Variants in TMPRSS11D observed in about 807,000 individuals in gnomAD.
The protein encoded by TMPRSS11D is transmembrane protease serine 11D.
A neutral mutation model predicts 44.4 loss-of-function variants in TMPRSS11D; 32 were observed. That is an observed-to-expected ratio of 0.72 (90% CI 0.54 to 0.97). The LOEUF (loss-of-function observed/expected upper bound fraction) is 0.97. TMPRSS11D is among the 50% of genes least tolerant of loss of function. The pLI, the probability that TMPRSS11D is intolerant of heterozygous loss-of-function variation, is 0.00. For missense variants in TMPRSS11D, 446 were observed against 502.6 expected, an observed-to-expected ratio of 0.89 and a Z score of 1.08; for synonymous variants, 179 against 177.9, an observed-to-expected ratio of 1.01 and a Z score of -0.05.
At chr4:67,850,368 G>A (rs908374634) in intron 3 of TMPRSS11D, among the ~76,000 whole-genome samples, 4 of 152,052 alleles carry the variant, frequency 2.6e-5, no homozygotes, top group Non-Finnish European at 5.9e-5. Context: ...AATTTTTGTC[G>A]TGCATATGCC....
At chr4:67,830,235 C>T (rs772243243) in intron 7 of TMPRSS11D, among the ~76,000 whole-genome samples, 10 of 151,936 alleles carry the variant, frequency 6.6e-5, no homozygotes, top group South Asian at 2.1e-4. Context: ...TAGGTGCGTG[C>T]ATGTACCTTT....
At chr4:67,859,786 GGCTCTAGCCATAGAAA>G in intron 1 of TMPRSS11D, 108 bp from the exon 2 acceptor site, 1 of 1,410,612 alleles carries the variant, frequency 7.1e-7, no homozygotes. Context: ...TCTGGGACAT[GGCTCTAGCCATAGAAA>G]CATATTCGTA....
Position 67,859,642 on chromosome 4 carries a change from A to T in TMPRSS11D, c.45T>A (p.Asn15Lys). The T allele has an allele frequency of 6.2e-7, 1 of 1,613,154 alleles. No homozygotes were observed. ...ARVTSTSRFL[N>K]PYVVCFIVVA... The stretch of plus-strand genomic sequence containing the variant: ...CGACAATGAAACATACTACATATGG[A>T]TTCAGAAATCTTGAAGTCGAAGTTA... Residue 15 changes from asparagine (N) to lysine (K), a missense_variant, in exon 2 of 10, where the codon AAT (asparagine) becomes AAA (lysine). Transcript: ENST00000283916.
At chr4:67,868,777 G>T (rs1048019755) in intron 1 of TMPRSS11D, among the ~76,000 whole-genome samples, 3 of 152,194 alleles carry the variant, frequency 2.0e-5, no homozygotes, top group African/African-American at 4.8e-5. Flanking sequence ...TTTTAGAAAG[G>T]TTAATCTGGT....
intron 1 of TMPRSS11D, 65 bp downstream of exon 1, chr4:67,883,861 T>G: frequency 7.2e-7 from 1 of 1,388,180 alleles, no homozygotes; most frequent in South Asian, 1.3e-5. Context: ...AGCTTCTTTA[T>G]ATTTTTCCCA....
chr4:67,846,223 G>A (rs1718353829), intron 3 of TMPRSS11D, among the ~76,000 whole-genome samples: 5 of 151,962 alleles, frequency 3.3e-5, no homozygotes, highest in Admixed American at 2.0e-4. Flanking sequence ...TCCTATGGGT[G>A]AAACATTTTA....
intron 3 of TMPRSS11D, among the ~76,000 whole-genome samples, chr4:67,847,568 G>A (rs1718388127): frequency 6.6e-6 from 1 of 152,164 alleles, no homozygotes; most frequent in African/African-American, 2.4e-5. Flanking sequence ...AGGTAAAGGT[G>A]TGCTGAAGCC....
Position 67,825,840 on chromosome 4 carries a change from G to T in TMPRSS11D, c.987C>A (p.Val329=). ...HTVPELRQGQ[V]RIISNDVCNA... is the part of the protein sequence containing the mutation. The stretch of plus-strand genomic sequence containing the variant: ...TACATACATCATTACTTATTATTCT[G>T]ACCTGTCCTTGCCTTAGCTCTGGAA... Residue 329 remains valine, a synonymous_variant, in exon 9 of 10, where the codon GTC becomes GTA. Transcript: ENST00000283916. 1 of 1,612,774 alleles carries T rather than the reference G, an allele frequency of 6.2e-7. No individual in the cohort carries two copies. Among genetic ancestry groups the T allele is most frequent in the South Asian group, 1.1e-5 (1 of 90,974 alleles).
intron 1 of TMPRSS11D, among the ~76,000 whole-genome samples, chr4:67,868,191 A>G (rs2109697142): frequency 6.6e-6 from 1 of 152,196 alleles, no homozygotes; most frequent in Admixed American, 6.5e-5. Context: ...ATCTTAGGTG[A>G]AACAACTCAG....
chr4:67,826,881 C>T (rs901045346), intron 8 of TMPRSS11D, among the ~76,000 whole-genome samples: 9 of 152,000 alleles, frequency 5.9e-5, no homozygotes, highest in Non-Finnish European at 1.5e-5. Context: ...GCCATGATTG[C>T]ACCACTGCAC....
intron 7 of TMPRSS11D, 77 bp downstream of exon 7, chr4:67,833,127 T>C (rs1717987054): frequency 1.6e-6 from 2 of 1,249,750 alleles, no homozygotes; most frequent in Non-Finnish European, 2.1e-6. Flanking sequence ...CTCAATTCAA[T>C]CCTAGGGTAG....
intron 1 of TMPRSS11D, among the ~76,000 whole-genome samples, chr4:67,862,333 A>G (rs1936622513): frequency 6.6e-6 from 1 of 152,108 alleles, no homozygotes; most frequent in Non-Finnish European, 1.5e-5. Flanking sequence ...CAGGAGTGAC[A>G]GAGCTGGAAA....
chr4:67,833,821 A>C (rs1399760125), intron 6 of TMPRSS11D, among the ~76,000 whole-genome samples: 1 of 152,182 alleles, frequency 6.6e-6, no homozygotes, highest in African/African-American at 2.4e-5. Flanking sequence ...GAACCACATC[A>C]TGGGACAAAT....
At chr4:67,828,219 A>G (rs985967691) in intron 7 of TMPRSS11D, among the ~76,000 whole-genome samples, 1 of 152,140 alleles carries the variant, frequency 6.6e-6, no homozygotes, top group Non-Finnish European at 1.5e-5. Context: ...GAGGAATAAG[A>G]CATGAATTTG....
chr4:67,862,232 G>A (rs1718808052), intron 1 of TMPRSS11D, among the ~76,000 whole-genome samples: 2 of 152,090 alleles, frequency 1.3e-5, no homozygotes, highest in African/African-American at 4.8e-5. Context: ...CAATCTTCAT[G>A]ATCTTTTCAT....
At chr4:67,826,497 A>G (rs145947590) in intron 8 of TMPRSS11D, among the ~76,000 whole-genome samples, 37 of 152,262 alleles carry the variant, frequency 2.4e-4, no homozygotes, top group African/African-American at 8.7e-4. Context: ...TACTGGTTCT[A>G]GTAGCTCTTG....
intron 3 of TMPRSS11D, among the ~76,000 whole-genome samples, chr4:67,849,679 T>C (rs1437414577): frequency 6.6e-6 from 1 of 152,192 alleles, no homozygotes; most frequent in Non-Finnish European, 1.5e-5. Flanking sequence ...GTGAATAAAC[T>C]GAGGACCAGA....
intron 1 of TMPRSS11D, among the ~76,000 whole-genome samples, chr4:67,872,946 T>G (rs6552126): frequency 0.17 from 25,978 of 152,168 alleles, 2,491 homozygotes; most frequent in Middle Eastern, 0.28. Context: ...CACTTGCATT[T>G]TTGTTTTGTT....
rs1385568107 is a variant in TMPRSS11D, at chr4:67,822,344, C to T, written c.1250G>A (p.Gly417Glu). 7 of 1,613,548 alleles carry T rather than the reference C, an allele frequency of 4.3e-6. No individual in the cohort carries two copies. The highest frequency in any genetic ancestry group is 5.9e-6 in the Non-Finnish European group (7 of 1,179,710). The change falls in exon 10 of 10, where the codon GGG (glycine) becomes GAG (glutamate). Residue 417 changes from glycine (G) to glutamate (E), a missense_variant. Transcript: ENST00000283916. ...AGGGATGCACTTGTTGCACTAGATC[C>T]CAGTTTGTTGCCTAATCCAGTCAAG... ...AYLDWIRQQT[G>E]I
Sources: allele counts gnomAD v4.1 joint callset (sites outside exome capture counted in the v4.1 genomes callset), GRCh38; gene constraint gnomAD v4.1.1; transcripts MANE v1.5; gene names NCBI Gene and HGNC (gene_info 2026-07-23, HGNC 2026-07-21).